HIRA: variants seen among roughly 807,000 people sequenced by gnomAD.
HIRA encodes histone cell cycle regulator.
In HIRA, 13 loss-of-function variants were observed where a neutral mutation model predicts 126.6. The observed-to-expected ratio is 0.10, with a 90% CI of 0.07 to 0.16. The LOEUF is 0.16. Among genes scored for constraint, HIRA ranks in the 10% least tolerant of loss-of-function variants. The probability of loss-of-function intolerance (pLI) is 1.00; values close to 1 mark genes in which losing one functional copy is unlikely to be tolerated. For missense variants in HIRA, 834 were observed against 1,314.4 expected (o/e 0.63, Z 5.65); for synonymous variants, 511 against 520.0 (o/e 0.98, Z 0.24).
intron 5 of HIRA, among the ~76,000 whole-genome samples, chr22:19,402,394 G>GT (rs1231038157): frequency 6.6e-5 from 10 of 152,096 alleles, no homozygotes; most frequent in Non-Finnish European, 8.8e-5. Context: ...TCATTTCTTG[G>GT]TAAGATTACT....
intron 15 of HIRA, among the ~76,000 whole-genome samples, chr22:19,367,460 AG>A (rs2088924454): frequency 6.6e-6 from 1 of 151,208 alleles, no homozygotes; most frequent in Non-Finnish European, 1.5e-5. Flanking sequence ...TCTGCCTCCC[AG>A]GTTCAAGTGA....
chr22:19,367,916 G>A (rs1280467653), intron 15 of HIRA, among the ~76,000 whole-genome samples: 1 of 152,218 alleles, frequency 6.6e-6, no homozygotes, highest in East Asian at 1.9e-4. Flanking sequence ...ATTAAAGAGA[G>A]GCACAACATA....
chr22:19,331,607 A>C (rs782044019), intron 24 of HIRA, 51 bp from the exon 25 acceptor site: 2 of 1,512,682 alleles, frequency 1.3e-6, no homozygotes, highest in Non-Finnish European at 1.8e-6. Context: ...AGAGACCTAG[A>C]TTGTGGGGAC....
intron 24 of HIRA, among the ~76,000 whole-genome samples, chr22:19,336,087 T>C (rs1026460708): frequency 1.3e-5 from 2 of 151,926 alleles, no homozygotes; most frequent in Non-Finnish European, 1.5e-5. Context: ...ATCTTGAAAG[T>C]GGCAAAAAAA....
intron 1 of HIRA, among the ~76,000 whole-genome samples, chr22:19,418,625 C>T (rs180798935): frequency 4.9e-4 from 74 of 151,964 alleles, no homozygotes; most frequent in Non-Finnish European, 7.6e-4. Flanking sequence ...GAGACTCTGT[C>T]TCAAAAAAAT....
At chr22:19,391,480 T>G (rs1002697542) in intron 9 of HIRA, among the ~76,000 whole-genome samples, 1 of 145,860 alleles carries the variant, frequency 6.9e-6, no homozygotes, top group Non-Finnish European at 1.5e-5. Context: ...GATTTTTCTT[T>G]TTCTTTTTTT....
intron 6 of HIRA, 27 bp from the exon 7 acceptor site, chr22:19,396,974 G>A: frequency 1.2e-6 from 2 of 1,610,758 alleles, no homozygotes; most frequent in Non-Finnish European, 1.7e-6. Flanking sequence ...AATGTGGAGA[G>A]GTGTTGTCTG....
intron 24 of HIRA, among the ~76,000 whole-genome samples, chr22:19,337,104 CT>C (rs1157049673): frequency 3.2e-4 from 48 of 148,458 alleles, no homozygotes; most frequent in Admixed American, 5.4e-4. Flanking sequence ...TTTTCTTTTT[CT>C]TTTTTTTTTG....
At chr22:19,395,679 G>A (rs1036913294) in intron 7 of HIRA, among the ~76,000 whole-genome samples, 6 of 152,190 alleles carry the variant, frequency 3.9e-5, no homozygotes, top group Non-Finnish European at 8.8e-5. Context: ...GCTCTGTGAA[G>A]TCTTTCCTGA....
At chr22:19,405,624 G>T in intron 5 of HIRA, 162 bp downstream of exon 5, 1 of 622,088 alleles carries the variant, frequency 1.6e-6, no homozygotes, top group Non-Finnish European at 2.0e-6. Context: ...TGACTGCACA[G>T]ATCTTAAGGG....
intron 1 of HIRA, 92 bp downstream of exon 1, chr22:19,431,348 C>T: frequency 1.4e-6 from 2 of 1,413,122 alleles, no homozygotes; most frequent in East Asian, 4.7e-5. Flanking sequence ...GCGTCAGGGG[C>T]GAGACAGGCA....
intron 1 of HIRA, among the ~76,000 whole-genome samples, chr22:19,418,855 A>G (rs1393046968): frequency 2.0e-5 from 3 of 152,124 alleles, no homozygotes; most frequent in African/African-American, 7.2e-5. Flanking sequence ...AAACTGGACT[A>G]AGTCCAGAAG....
intron 18 of HIRA, among the ~76,000 whole-genome samples, chr22:19,357,312 A>G (rs2088822056): frequency 6.6e-6 from 1 of 152,178 alleles, no homozygotes; most frequent in Non-Finnish European, 1.5e-5. Flanking sequence ...ATGCTGACCA[A>G]GGGGTGTGGG....
Position 19,394,520 on chromosome 22 carries a change from C to T in HIRA, c.655-11G>A. 1 of 1,612,596 alleles carries T rather than the reference C, an allele frequency of 6.2e-7. No homozygotes were observed. Among genetic ancestry groups the T allele is most frequent in the Non-Finnish European group, 8.5e-7 (1 of 1,178,978 alleles). On this transcript the variant is annotated splice_polypyrimidine_tract_variant and intron_variant, in intron 7 of 24. Coordinates refer to ENST00000263208, the MANE Select transcript of HIRA (RefSeq NM_003325.4). ...GGTCGTTCCTCCACACTGAAAGAAG[C>T]ATCTGCACTTGAAAGGAGCTCAAGG... is the stretch of plus-strand genomic sequence containing the variant.
At chr22:19,400,170 T>C (rs2089256499) in intron 5 of HIRA, among the ~76,000 whole-genome samples, 1 of 152,254 alleles carries the variant, frequency 6.6e-6, no homozygotes, top group Admixed American at 6.5e-5. Flanking sequence ...AAGTCTGTTA[T>C]TCTCCTTTGT....
At chr22:19,394,055 C>T (rs908246786) in intron 8 of HIRA, among the ~76,000 whole-genome samples, 13 of 152,078 alleles carry the variant, frequency 8.5e-5, no homozygotes, top group Admixed American at 6.6e-4. Flanking sequence ...GGTGGGTATA[C>T]CAGAATTGTA....
intron 1 of HIRA, among the ~76,000 whole-genome samples, chr22:19,429,780 G>A (rs1446669854): frequency 6.6e-6 from 1 of 152,210 alleles, no homozygotes. Flanking sequence ...TATGACAGTA[G>A]AAGAGAGGCT....
chr22:19,360,651 T>A (rs2088854646), intron 17 of HIRA, among the ~76,000 whole-genome samples: 1 of 151,992 alleles, frequency 6.6e-6, no homozygotes, highest in Non-Finnish European at 1.5e-5. Flanking sequence ...GAGGCAGCAG[T>A]GTGTGTGACG....
chr22:19,404,344 A>G (rs1210391348), intron 5 of HIRA, among the ~76,000 whole-genome samples: 1 of 152,198 alleles, frequency 6.6e-6, no homozygotes. Flanking sequence ...GGCTCTGGTT[A>G]GGGCCTTGTA....
Sources: gnomAD v4.1 joint callset for allele counts (sites outside exome capture counted in the v4.1 genomes callset) on GRCh38, gnomAD v4.1.1 for gene constraint, MANE v1.5 for transcripts, NCBI Gene and HGNC (gene_info 2026-07-23, HGNC 2026-07-21) for gene names.